The following GPC5 variants were observed in gnomAD, a reference collection of about 807,000 sequenced individuals.
The protein encoded by GPC5 is glypican-5.
GPC5 carries 47 observed loss-of-function variants against 53.9 expected under a neutral mutation model. The observed-to-expected ratio is 0.87, with a 90% CI of 0.69 to 1.11. GPC5 has a LOEUF of 1.11. Ranked by LOEUF, GPC5 falls within the 50% of genes most tolerant of loss-of-function variation. GPC5 has a pLI of 0.00. For synonymous variants in GPC5, 286 were observed against 263.3 expected (o/e 1.09, Z -0.84); for missense variants, 748 against 713.1 (o/e 1.05, Z -0.56).
chr13:91,755,593 C>G (rs1002903945), intron 4 of GPC5, among the ~76,000 whole-genome samples: 3 of 151,946 alleles, frequency 2.0e-5, no homozygotes, highest in African/African-American at 7.2e-5. Context: ...AACAAAAAAC[C>G]TGCTTGTTGT....
intron 4 of GPC5, among the ~76,000 whole-genome samples, chr13:91,755,549 A>T (rs2037271587): frequency 6.6e-6 from 1 of 152,146 alleles, no homozygotes; most frequent in African/African-American, 2.4e-5. Flanking sequence ...TTGGTTTTAA[A>T]ACTGAAAAGT....
chr13:92,736,325 G>A (rs561903763), intron 7 of GPC5, among the ~76,000 whole-genome samples: 285 of 152,008 alleles, frequency 1.9e-3, no homozygotes, highest in African/African-American at 6.4e-3. Context: ...CCTAAATGTA[G>A]AATGAAACAA....
intron 7 of GPC5, among the ~76,000 whole-genome samples, chr13:92,256,158 T>C (rs1414513927): frequency 6.6e-6 from 1 of 151,608 alleles, no homozygotes; most frequent in African/African-American, 2.4e-5. Flanking sequence ...ATAATATAGA[T>C]ATAATATATA....
chr13:91,789,635 C>T (rs1382478852), intron 5 of GPC5, among the ~76,000 whole-genome samples: 1 of 152,140 alleles, frequency 6.6e-6, no homozygotes, highest in Non-Finnish European at 1.5e-5. Context: ...TGCACGCTGA[C>T]TTTCTACTAT....
At chr13:91,763,545 G>A (rs1267618523) in intron 5 of GPC5, among the ~76,000 whole-genome samples, 2 of 152,126 alleles carry the variant, frequency 1.3e-5, no homozygotes, top group Admixed American at 1.3e-4. Context: ...AATAAAAATT[G>A]CAGTTTCAGA....
Position 92,159,419 on chromosome 13 carries a change from G to C in GPC5, c.1561+14430G>C, listed in dbSNP as rs906052453. 4.6e-5 allele frequency among the ~76,000 whole-genome samples: 7 copies of C among 152,124 alleles called. 1 individual carries two copies. Among genetic ancestry groups the C allele is most frequent in the Admixed American group, 6.5e-5 (1 of 15,270 alleles). On this transcript the variant is annotated intron_variant, in intron 7 of 7. Transcript: ENST00000377067. ...CTTTACCTCCATCGCTAGTCTGAGC[G>C]CCAGCAATTTGGGGCGGGGACTCAG...
chr13:91,890,304 A>G (rs2039371187), intron 5 of GPC5, among the ~76,000 whole-genome samples: 1 of 152,074 alleles, frequency 6.6e-6, no homozygotes, highest in South Asian at 2.1e-4. Context: ...GGCAGGCTCT[A>G]TTTTTATTTC....
At chr13:92,251,527 T>C (rs1306688870) in intron 7 of GPC5, among the ~76,000 whole-genome samples, 2 of 151,608 alleles carry the variant, frequency 1.3e-5, no homozygotes, top group African/African-American at 2.4e-5. Flanking sequence ...GAGTGGTCTT[T>C]AGGATGTCAC....
chr13:92,091,499 C>T (rs4773665), intron 6 of GPC5, among the ~76,000 whole-genome samples: 135,160 of 151,764 alleles, frequency 0.89, 60,688 homozygotes, highest in East Asian at 1. Flanking sequence ...AAATGAACAA[C>T]GCATTTATTA....
chr13:92,753,689 A>G (rs1306375877), intron 7 of GPC5, among the ~76,000 whole-genome samples: 3 of 152,132 alleles, frequency 2.0e-5, no homozygotes, highest in African/African-American at 4.8e-5. Context: ...GAATGCAGAA[A>G]CCTCAGGAGC....
intron 4 of GPC5, among the ~76,000 whole-genome samples, chr13:91,738,486 T>A (rs1429313018): frequency 1.3e-5 from 2 of 151,286 alleles, no homozygotes; most frequent in East Asian, 3.9e-4. Flanking sequence ...ATCATTGGAA[T>A]ATTTAATCCT....
chr13:91,675,837 A>C (rs2035369073), intron 2 of GPC5, among the ~76,000 whole-genome samples: 2 of 152,170 alleles, frequency 1.3e-5, no homozygotes, highest in Non-Finnish European at 1.5e-5. Flanking sequence ...AGGAGGCGGG[A>C]GATGAAAGAG....
chr13:92,285,589 C>T (rs2042948432), intron 7 of GPC5, among the ~76,000 whole-genome samples: 1 of 152,104 alleles, frequency 6.6e-6, no homozygotes, highest in South Asian at 2.1e-4. Context: ...TAATACCACA[C>T]ATCTACAACC....
chr13:92,381,398 C>T (rs2043737734), intron 7 of GPC5, among the ~76,000 whole-genome samples: 1 of 152,028 alleles, frequency 6.6e-6, no homozygotes, highest in Non-Finnish European at 1.5e-5. Context: ...TTTGCATTTC[C>T]GTGATCATTA....
intron 7 of GPC5, among the ~76,000 whole-genome samples, chr13:92,513,277 G>C (rs1322271013): frequency 6.6e-6 from 1 of 152,094 alleles, no homozygotes; most frequent in East Asian, 1.9e-4. Flanking sequence ...AGTGTGCTTA[G>C]GGGTCTATTA....
At chr13:92,523,895 T>C (rs1881170174) in intron 7 of GPC5, among the ~76,000 whole-genome samples, 1 of 152,118 alleles carries the variant, frequency 6.6e-6, no homozygotes, top group South Asian at 2.1e-4. Context: ...CCATTTTGTC[T>C]AATAAAATGT....
intron 7 of GPC5, among the ~76,000 whole-genome samples, chr13:92,214,799 G>C (rs2042398415): frequency 6.6e-6 from 1 of 152,184 alleles, no homozygotes. Context: ...CATTGTGCAG[G>C]TGTCCAATGC....
intron 7 of GPC5, among the ~76,000 whole-genome samples, chr13:92,535,693 G>A (rs1881703487): frequency 6.6e-6 from 1 of 151,546 alleles, no homozygotes; most frequent in South Asian, 2.1e-4. Flanking sequence ...CCAGTCTGTG[G>A]GACTATTGGG....
At chr13:92,838,485 C>G (rs1455964208) in intron 7 of GPC5, among the ~76,000 whole-genome samples, 4 of 145,518 alleles carry the variant, frequency 2.7e-5, no homozygotes, top group East Asian at 2.0e-4. Context: ...TCCGCGCCCC[C>G]CCCAAAAAAA....
Sources: gnomAD v4.1 joint callset for allele counts (sites outside exome capture counted in the v4.1 genomes callset) on GRCh38, gnomAD v4.1.1 for gene constraint, MANE v1.5 for transcripts, NCBI Gene and HGNC (gene_info 2026-07-23, HGNC 2026-07-21) for gene names.